Variants in MTMR6 observed in about 807,000 individuals in gnomAD.
The protein encoded by MTMR6 is myotubularin related protein 6.
Under a neutral mutation model 80.1 loss-of-function variants are expected in MTMR6, and 47 were observed. The observed-to-expected ratio is 0.59, with a 90% CI of 0.46 to 0.75. MTMR6 has a LOEUF of 0.75. Among genes scored for constraint, MTMR6 ranks in the 30% least tolerant of loss-of-function variants. MTMR6 has a pLI of 0.00. For missense variants in MTMR6, 629 were observed against 730.9 expected, an observed-to-expected ratio of 0.86 and a Z score of 1.61; for synonymous variants, 254 against 253.0, an observed-to-expected ratio of 1.00 and a Z score of -0.04.
intron 7 of MTMR6, 112 bp from the exon 8 acceptor site, chr13:25,257,957 A>C: frequency 1.6e-6 from 1 of 621,642 alleles, no homozygotes; most frequent in Non-Finnish European, 2.6e-6. Flanking sequence ...ATAAACAGGC[A>C]AGACTCTATA....
Position 25,264,521 on chromosome 13 carries a change from G to A in MTMR6, c.591+1298C>T, listed in dbSNP as rs928530081. Among the ~76,000 whole-genome samples the A allele has an allele frequency of 5.3e-5, 8 of 151,924 alleles. 1 individual carries two copies. The highest frequency in any genetic ancestry group is 3.9e-4 in the East Asian group (2 of 5,144). On this transcript the variant is annotated intron_variant, in intron 5 of 13. Transcript: ENST00000381801. Reference sequence around the variant, plus strand: ...TGTAATCTTAGCACTTTGGGAGGCCGAGGCGGGTGGATCACTTGACGTCAG... The same window carrying A: ...TGTAATCTTAGCACTTTGGGAGGCCAAGGCGGGTGGATCACTTGACGTCAG...
intron 1 of MTMR6, among the ~76,000 whole-genome samples, chr13:25,285,688 C>G (rs530541822): frequency 1.3e-5 from 2 of 152,214 alleles, no homozygotes; most frequent in East Asian, 3.9e-4. Context: ...CGCCTGCCAC[C>G]ATGCCCGGCT....
intron 13 of MTMR6, among the ~76,000 whole-genome samples, chr13:25,249,938 A>T (rs1957051378): frequency 6.6e-6 from 1 of 152,172 alleles, no homozygotes; most frequent in South Asian, 2.1e-4. Context: ...AGGTAAAAAT[A>T]ACAGACTTTA....
At chr13:25,286,887 A>C (rs1448350080) in intron 1 of MTMR6, among the ~76,000 whole-genome samples, 3 of 152,234 alleles carry the variant, frequency 2.0e-5, no homozygotes, top group African/African-American at 7.2e-5. Context: ...AGGCAACGAA[A>C]GGCTGAAAGA....
At chr13:25,265,523 C>T (rs773736364) in intron 5 of MTMR6, among the ~76,000 whole-genome samples, 2 of 152,110 alleles carry the variant, frequency 1.3e-5, no homozygotes, top group Non-Finnish European at 2.9e-5. Context: ...AGGTGGATCA[C>T]TTGAGGTCAG....
Position 25,249,117 on chromosome 13 carries a change from T to C in MTMR6, c.*115A>G. 1 of 1,104,388 alleles carries C rather than the reference T, an allele frequency of 9.1e-7. No homozygotes were observed. Among genetic ancestry groups the C allele is most frequent in the Non-Finnish European group, 1.3e-6 (1 of 779,576 alleles). The allele number at this position is 1,104,388 out of a possible 1,614,324, so 68.4% of individuals were successfully genotyped here. ...ATTATCCTTCCTTCAACTATTAGCC[T>C]ACTGTTAAACCCTAAAATTGTTATT... On this transcript the variant is annotated 3_prime_UTR_variant, in exon 14 of 14. Coordinates refer to ENST00000381801, the MANE Select transcript of MTMR6 (RefSeq NM_004685.5).
chr13:25,268,855 G>T (rs1001999320), intron 2 of MTMR6, among the ~76,000 whole-genome samples: 5 of 152,132 alleles, frequency 3.3e-5, no homozygotes, highest in Admixed American at 3.3e-4. Context: ...TCTGGACCCA[G>T]GCATCCCTGT....
chr13:25,273,244 T>TTA (rs1346071278), intron 2 of MTMR6, among the ~76,000 whole-genome samples: 2 of 152,072 alleles, frequency 1.3e-5, no homozygotes, highest in Non-Finnish European at 2.9e-5. Flanking sequence ...CTTAGTAAGG[T>TTA]TATATATGCA....
At chr13:25,257,070 C>G (rs1383360820) in intron 9 of MTMR6, 126 bp downstream of exon 9, 2 of 1,062,226 alleles carry the variant, frequency 1.9e-6, no homozygotes, top group Non-Finnish European at 2.7e-6. Flanking sequence ...CCTGGCCACT[C>G]CCACGGATGC....
chr13:25,280,780 T>C (rs1378478628), intron 1 of MTMR6, among the ~76,000 whole-genome samples: 2 of 151,950 alleles, frequency 1.3e-5, no homozygotes, highest in Non-Finnish European at 2.9e-5. Context: ...AAAAAGACTT[T>C]GGGAAAAGAA....
At chr13:25,264,775 A>AAAAG (rs1491106020) in intron 5 of MTMR6, among the ~76,000 whole-genome samples, 40 of 133,712 alleles carry the variant, frequency 3.0e-4, no homozygotes, top group Middle Eastern at 3.7e-3. Context: ...AAAAAAAAAA[A>AAAAG]GAAATTTCAG....
chr13:25,274,961 TACACACACACACACAC>T (rs71077456), intron 1 of MTMR6, among the ~76,000 whole-genome samples: 14 of 105,056 alleles, frequency 1.3e-4, no homozygotes, highest in South Asian at 3.4e-4. Flanking sequence ...CACACACACA[TACACACACACACACAC>T]ACACACACAC....
chr13:25,274,804 T>C (rs1183488445), intron 1 of MTMR6, among the ~76,000 whole-genome samples: 3 of 152,146 alleles, frequency 2.0e-5, no homozygotes, highest in Non-Finnish European at 4.4e-5. Flanking sequence ...AATCAGTTCA[T>C]TACTTATGTT....
chr13:25,251,857 A>T lies in MTMR6; in HGVS notation c.1474T>A (p.Phe492Ile), dbSNP rs1050317428. Reference sequence around the variant, plus strand: ...ACTCCAATGATGTCAACTTACTTAAAATTGAAAGATACTGTATTTGGCTCC... The same window carrying T: ...ACTCCAATGATGTCAACTTACTTAATATTGAAAGATACTGTATTTGGCTCC... ...VLEPNTVSFN[F>I]KFWRNMYHQF... is the part of the protein sequence containing the mutation. The change falls in exon 12 of 14, where the codon TTT (phenylalanine) becomes ATT (isoleucine). Residue 492 changes from phenylalanine (F) to isoleucine (I), a missense_variant. Transcript: ENST00000381801. The surrounding 1 kb of genome is among the most constrained non-coding windows in gnomAD (Gnocchi z 4.1). 4.4e-6 allele frequency: 7 copies of T among 1,606,866 alleles called. No individual in the cohort carries two copies. In the African/African-American group the frequency reaches 9.4e-5, roughly 22 times the overall value.
At position 25,249,018 on chromosome 13, in the gene MTMR6, T is replaced by C. The variant is rs899486408; in HGVS notation, c.*214A>G. The C allele has an allele frequency of 1.8e-6, 1 of 555,268 alleles. No homozygotes were observed. The highest frequency in any genetic ancestry group is 3.1e-6 in the Non-Finnish European group (1 of 319,680). 34.4% of individuals were successfully genotyped at this position (555,268 alleles called of 1,614,324 possible). A position where few individuals can be genotyped will look rare whatever the true frequency, so the allele number is the denominator to read the frequency against. Reference sequence around the variant, plus strand: ...GAGTAAATACATCAAATACCACTCATTTCTTACAGAACTGAATGTCATTCC... The same window carrying C: ...GAGTAAATACATCAAATACCACTCACTTCTTACAGAACTGAATGTCATTCC... On this transcript the variant is annotated 3_prime_UTR_variant, in exon 14 of 14. Coordinates refer to ENST00000381801, the MANE Select transcript of MTMR6 (RefSeq NM_004685.5).
At chr13:25,267,347 T>G (rs1425057370) in intron 3 of MTMR6, among the ~76,000 whole-genome samples, 2 of 152,138 alleles carry the variant, frequency 1.3e-5, no homozygotes, top group Non-Finnish European at 2.9e-5. Flanking sequence ...TCTGCTTATC[T>G]TCTGTATCTC....
rs1230719218 is a variant in MTMR6 at position 25,252,412 on chromosome 13, G to A, written c.1347-428C>T. On this transcript the variant is annotated intron_variant, in intron 11 of 13. Transcript: ENST00000381801. ...TATCATAGGGCAGGAGCACACGTAA[G>A]TGTGAGTGGGTACAAAAAGGGAACA... 3.9e-5 allele frequency among the ~76,000 whole-genome samples: 6 copies of A among 152,344 alleles called. No homozygotes were observed. The East Asian group carries it at 1.2e-3, about 29-fold the overall frequency.
chr13:25,259,565 C>T (rs893441676), intron 6 of MTMR6, among the ~76,000 whole-genome samples: 3 of 152,128 alleles, frequency 2.0e-5, no homozygotes, highest in Non-Finnish European at 4.4e-5. Context: ...GTAAAATCTA[C>T]AGTTAGATGT....
chr13:25,263,067 T>C (rs1370817169), intron 5 of MTMR6, among the ~76,000 whole-genome samples: 1 of 152,118 alleles, frequency 6.6e-6, no homozygotes, highest in Admixed American at 6.5e-5. Flanking sequence ...ATAAAGAAAG[T>C]TAAAATGCAT....
Sources: gnomAD v4.1 joint callset for allele counts (sites outside exome capture counted in the v4.1 genomes callset) on GRCh38, gnomAD v4.1.1 for gene constraint, Gnocchi (gnomAD v3.1) non-coding constraint, MANE v1.5 for transcripts, NCBI Gene and HGNC (gene_info 2026-07-23, HGNC 2026-07-21) for gene names.